ZNF704: variants seen among roughly 807,000 people sequenced by gnomAD.
ZNF704 encodes glucocorticoid induced gene 1.
A neutral mutation model predicts 44.7 loss-of-function variants in ZNF704; 10 were observed. The observed-to-expected ratio is 0.22, with a 90% CI of 0.14 to 0.38. ZNF704 has a LOEUF of 0.38. ZNF704 is among the 10% of genes least tolerant of loss of function. ZNF704 has a pLI of 1.00. For missense variants in ZNF704, 390 were observed against 545.5 expected (o/e 0.71, Z 2.84); for synonymous variants, 211 against 207.6 (o/e 1.02, Z -0.14).
intron 1 of ZNF704, among the ~76,000 whole-genome samples, chr8:80,845,488 T>A (rs1031565476): frequency 3.9e-5 from 6 of 152,188 alleles, no homozygotes; most frequent in Non-Finnish European, 8.8e-5. Flanking sequence ...CATCCCTCTG[T>A]TAAGGACAGA....
chr8:80,810,644 A>G (rs1563561414), intron 2 of ZNF704, among the ~76,000 whole-genome samples: 1 of 152,190 alleles, frequency 6.6e-6, no homozygotes, highest in African/African-American at 2.4e-5. Context: ...CTGGAAATGA[A>G]GCCTGCTTTG....
intron 2 of ZNF704, among the ~76,000 whole-genome samples, chr8:80,701,910 T>G (rs1818816533): frequency 6.6e-6 from 1 of 152,192 alleles, no homozygotes; most frequent in Admixed American, 6.5e-5. Context: ...TAGAGGACTC[T>G]TAAAGAGCTT....
At chr8:80,650,791 A>T (rs2131596237) in intron 7 of ZNF704, among the ~76,000 whole-genome samples, 1 of 152,362 alleles carries the variant, frequency 6.6e-6, no homozygotes, top group Non-Finnish European at 1.5e-5. Flanking sequence ...GCAGGCCAAT[A>T]TTCAAATTCA....
chr8:80,643,596 G>A (rs1418117784), intron 7 of ZNF704, among the ~76,000 whole-genome samples: 2 of 150,946 alleles, frequency 1.3e-5, no homozygotes, highest in Non-Finnish European at 2.9e-5. Flanking sequence ...ACATTAAATG[G>A]AGGAGGGCTG....
intron 2 of ZNF704, among the ~76,000 whole-genome samples, chr8:80,792,283 T>C (rs1306331196): frequency 1.3e-5 from 2 of 152,192 alleles, no homozygotes; most frequent in Non-Finnish European, 2.9e-5. Flanking sequence ...TTTGAACAAC[T>C]TCTGGCAAAA....
chr8:80,780,193 A>G (rs371820691), intron 2 of ZNF704, among the ~76,000 whole-genome samples: 1 of 152,184 alleles, frequency 6.6e-6, no homozygotes, highest in Admixed American at 6.5e-5. Flanking sequence ...GGCAAGGTAC[A>G]TGGAGGGAAG....
At chr8:80,707,281 C>G (rs544033578) in intron 2 of ZNF704, among the ~76,000 whole-genome samples, 9 of 152,240 alleles carry the variant, frequency 5.9e-5, no homozygotes, top group African/African-American at 2.2e-4. Flanking sequence ...TATATGTGAA[C>G]TAAATGCAAT....
chr8:80,836,162 T>C (rs1808554861), intron 1 of ZNF704, among the ~76,000 whole-genome samples: 2 of 152,180 alleles, frequency 1.3e-5, no homozygotes, highest in South Asian at 4.1e-4. Flanking sequence ...CCAAAGTCCT[T>C]GCCTCCAAAG....
intron 7 of ZNF704, among the ~76,000 whole-genome samples, chr8:80,650,940 G>A (rs1251354020): frequency 6.6e-6 from 1 of 152,174 alleles, no homozygotes; most frequent in Non-Finnish European, 1.5e-5. Context: ...CCCACAAAGG[G>A]AAGCCCATCG....
At chr8:80,871,984 G>A (rs1222424702) in intron 1 of ZNF704, among the ~76,000 whole-genome samples, 1 of 152,088 alleles carries the variant, frequency 6.6e-6, no homozygotes, top group African/African-American at 2.4e-5. Context: ...CTGTTTTTAC[G>A]GATTTGATTT....
chr8:80,663,620 A>G (rs1818136712), intron 6 of ZNF704, among the ~76,000 whole-genome samples: 2 of 152,138 alleles, frequency 1.3e-5, no homozygotes, highest in Admixed American at 6.6e-5. Context: ...AACATTGAGA[A>G]CGACTACTCT....
At chr8:80,779,274 T>A (rs758826134) in intron 2 of ZNF704, among the ~76,000 whole-genome samples, 2 of 152,176 alleles carry the variant, frequency 1.3e-5, no homozygotes, top group Non-Finnish European at 1.5e-5. Flanking sequence ...TTTGTGTAGT[T>A]ATTCTCCCCC....
chr8:80,658,147 G>C (rs1818045154), intron 7 of ZNF704, among the ~76,000 whole-genome samples: 4 of 152,180 alleles, frequency 2.6e-5, no homozygotes, highest in Admixed American at 2.6e-4. Context: ...CACAGAGGTA[G>C]TCTGAAAGAG....
At chr8:80,857,249 T>A (rs1602083) in intron 1 of ZNF704, among the ~76,000 whole-genome samples, 32,672 of 152,084 alleles carry the variant, frequency 0.21, 5,063 homozygotes, top group African/African-American at 0.44. Context: ...CACACTGGCT[T>A]AAACCTCCAA....
At chr8:80,789,668 G>A (rs946395627) in intron 2 of ZNF704, among the ~76,000 whole-genome samples, 6 of 152,150 alleles carry the variant, frequency 3.9e-5, no homozygotes, top group Non-Finnish European at 7.3e-5. Flanking sequence ...CTTGAGCACA[G>A]GAGTTTGAGG....
At chr8:80,743,419 AATAAAT>A (rs1482224833) in intron 2 of ZNF704, among the ~76,000 whole-genome samples, 1 of 149,830 alleles carries the variant, frequency 6.7e-6, no homozygotes, top group African/African-American at 2.4e-5. Context: ...ACGATAAATA[AATAAAT>A]ATAAACTAAT....
chr8:80,644,540 A>G (rs1277920688), intron 7 of ZNF704, among the ~76,000 whole-genome samples: 1 of 152,204 alleles, frequency 6.6e-6, no homozygotes, highest in Non-Finnish European at 1.5e-5. Context: ...TTTCCAGTAC[A>G]CTGAAACATA....
chr8:80,862,597 CAAA>C (rs10523461), intron 1 of ZNF704, among the ~76,000 whole-genome samples: 2 of 100,118 alleles, frequency 2.0e-5, no homozygotes, highest in Non-Finnish European at 4.0e-5. Flanking sequence ...TTGTCTCTAC[CAAA>C]AAAAAAAAAA....
chr8:80,673,817 C>T (rs1213312649), intron 4 of ZNF704, among the ~76,000 whole-genome samples: 7 of 152,238 alleles, frequency 4.6e-5, no homozygotes, highest in Admixed American at 2.0e-4. Flanking sequence ...CAGCACATTG[C>T]AGCAGTCTGC....
Sources: gnomAD v4.1 joint callset for allele counts (sites outside exome capture counted in the v4.1 genomes callset) on GRCh38, gnomAD v4.1.1 for gene constraint, MANE v1.5 for transcripts, NCBI Gene and HGNC (gene_info 2026-07-23, HGNC 2026-07-21) for gene names.